Variants in GLT8D2 observed in about 807,000 individuals in gnomAD.
GLT8D2 encodes glycosyltransferase 8 domain containing 2.
In GLT8D2, 45 loss-of-function variants were observed where a neutral mutation model predicts 44.5. The observed-to-expected ratio is 1.01, with a 90% CI of 0.80 to 1.30. The LOEUF is 1.30. Among genes scored for constraint, GLT8D2 ranks in the 50% most tolerant of loss-of-function variants. The pLI, the probability that GLT8D2 is intolerant of heterozygous loss-of-function variation, is 0.00. For missense variants in GLT8D2, 400 were observed against 430.4 expected (o/e 0.93, Z 0.62); for synonymous variants, 156 against 157.2 (o/e 0.99, Z 0.06).
rs199706885 is a variant in GLT8D2, at chr12:103,990,231, TTAA to T, written c.881-657_881-655del. 4.8e-3 allele frequency among the ~76,000 whole-genome samples: 724 copies of T among 151,642 alleles called. 4 individuals are homozygous for T. Among genetic ancestry groups the T allele is most frequent in the African/African-American group, 0.016 (682 of 41,400 alleles). On this transcript the variant is annotated intron_variant, in intron 10 of 10. Transcript: ENST00000360814. ...CCGCATTGTCCCCCAAGAAGTTCTA[TTAA>T]TTTCCCTCCCACCCAAGAGTTTATA...
At chr12:104,012,189 A>AATATAT (rs71069712) in intron 4 of GLT8D2, among the ~76,000 whole-genome samples, 45 of 98,434 alleles carry the variant, frequency 4.6e-4, no homozygotes, top group Middle Eastern at 5.4e-3. Context: ...AAAAAAAAAA[A>AATATAT]ATATATATAT....
At chr12:104,001,381 G>A (rs1874197213) in intron 5 of GLT8D2, among the ~76,000 whole-genome samples, 1 of 152,198 alleles carries the variant, frequency 6.6e-6, no homozygotes, top group South Asian at 2.1e-4. Context: ...AATTTTTGTA[G>A]CACAGATTCC....
intron 1 of GLT8D2, among the ~76,000 whole-genome samples, chr12:104,038,374 A>G (rs894513651): frequency 6.6e-6 from 1 of 152,230 alleles, no homozygotes; most frequent in African/African-American, 2.4e-5. Flanking sequence ...TGCAGATGAC[A>G]TGATTGTGCA....
chr12:104,012,188 AAATAT>A (rs1333010780), intron 4 of GLT8D2, among the ~76,000 whole-genome samples: 6,597 of 87,482 alleles, frequency 0.075, 204 homozygotes, highest in African/African-American at 0.16. Context: ...AAAAAAAAAA[AAATAT>A]ATATATATAT....
intron 6 of GLT8D2, among the ~76,000 whole-genome samples, chr12:103,998,333 C>T (rs1873753740): frequency 6.6e-6 from 1 of 151,650 alleles, no homozygotes; most frequent in Non-Finnish European, 1.5e-5. Flanking sequence ...CTCCCAGACT[C>T]AAACAATCCT....
At chr12:104,005,001 T>C (rs10778308) in intron 4 of GLT8D2, among the ~76,000 whole-genome samples, 136,885 of 152,182 alleles carry the variant, frequency 0.9, 61,644 homozygotes, top group East Asian at 1. Flanking sequence ...GCTACAGTAA[T>C]CAAAATAGCA....
chr12:104,052,210 G>C, upstream of GLT8D2, among the ~76,000 whole-genome samples: 1 of 152,184 alleles, frequency 6.6e-6, no homozygotes, highest in Non-Finnish European at 1.5e-5. Flanking sequence ...CTACTATATT[G>C]AGCAGTTCCA....
At chr12:103,999,069 G>A (rs571023548) in intron 6 of GLT8D2, among the ~76,000 whole-genome samples, 2 of 152,110 alleles carry the variant, frequency 1.3e-5, no homozygotes, top group Non-Finnish European at 2.9e-5. Flanking sequence ...CCCAACAGCT[G>A]GTGGGTTTGG....
intron 1 of GLT8D2, among the ~76,000 whole-genome samples, chr12:104,045,937 A>AAAGAAAGAAAGAAAGAAAATAAG: frequency 8.8e-6 from 1 of 113,638 alleles, no homozygotes; most frequent in South Asian, 3.2e-4. Context: ...GAAAGAAAGA[A>AAAGAAAGAAAGAAAGAAAATAAG]AAAGAAAGAA....
chr12:104,028,654 TTAA>T (rs1878865356), intron 1 of GLT8D2, among the ~76,000 whole-genome samples: 1 of 152,138 alleles, frequency 6.6e-6, no homozygotes, highest in African/African-American at 2.4e-5. Flanking sequence ...AATCAACATG[TTAA>T]TAAGTAATTC....
chr12:104,056,317 C>T (rs545852502), intron 1 of GLT8D2, among the ~76,000 whole-genome samples: 1 of 152,190 alleles, frequency 6.6e-6, no homozygotes, highest in African/African-American at 2.4e-5. Flanking sequence ...TAGCACTCCC[C>T]AGAACCTCTT....
intron 3 of GLT8D2, among the ~76,000 whole-genome samples, chr12:104,017,971 T>A (rs906406783): frequency 2.6e-5 from 4 of 151,508 alleles, no homozygotes; most frequent in African/African-American, 7.3e-5. Flanking sequence ...TTATTTTATC[T>A]TTTTTTTTCT....
intron 1 of GLT8D2, among the ~76,000 whole-genome samples, chr12:104,046,702 G>A (rs1013905574): frequency 8.5e-5 from 13 of 152,144 alleles, no homozygotes; most frequent in African/African-American, 2.9e-4. Flanking sequence ...TTCACTAAAG[G>A]AAAGAGAAAG....
At chr12:104,028,331 G>T (rs967336584) in intron 1 of GLT8D2, among the ~76,000 whole-genome samples, 4 of 151,986 alleles carry the variant, frequency 2.6e-5, no homozygotes, top group African/African-American at 9.7e-5. Context: ...TAAAGATTTG[G>T]CATGCCTGAA....
chr12:104,014,249 G>C, intron 4 of GLT8D2: 1 of 698,496 alleles, frequency 1.4e-6, no homozygotes, highest in South Asian at 1.5e-5. Flanking sequence ...CAACTTCCTG[G>C]GGTGCTGAGG....
chr12:104,022,080 A>AGAAAGAAAG (rs1555279636), intron 1 of GLT8D2, among the ~76,000 whole-genome samples: 1 of 134,128 alleles, frequency 7.5e-6, no homozygotes, highest in African/African-American at 2.9e-5. Context: ...GAAAGAAAAA[A>AGAAAGAAAG]AAAGAAAGAA....
At chr12:104,033,831 T>C (rs1879629687) in intron 1 of GLT8D2, among the ~76,000 whole-genome samples, 1 of 151,494 alleles carries the variant, frequency 6.6e-6, no homozygotes, top group Non-Finnish European at 1.5e-5. Flanking sequence ...TATATGTATA[T>C]ATTTTTTTTC....
rs1874475898 is a variant in GLT8D2, at chr12:104,003,162, C to T, written c.257G>A (p.Gly86Glu). The change falls in exon 5 of 11, where the codon GGA becomes GAA. Residue 86 changes from glycine (G) to glutamate (E), a missense_variant. Gly to Glu is a moderately conservative substitution (Grantham distance 98, BLOSUM62 -2). Coordinates refer to ENST00000360814, the MANE Select transcript of GLT8D2 (RefSeq NM_001384711.1). ...TATTCGAGTCAGAGTATTCCGGAGT[C>T]CCACTACATAGAACAAGATGTTGGC... ...TDANILFYVV[G>E]LRNTLTRIRK... The T allele has an allele frequency of 6.2e-7, 1 of 1,614,074 alleles. No homozygotes were observed. The highest frequency in any genetic ancestry group is 8.5e-7 in the Non-Finnish European group (1 of 1,179,988).
intron 5 of GLT8D2, among the ~76,000 whole-genome samples, chr12:104,002,880 GGCTGCA>G: frequency 6.6e-6 from 1 of 152,254 alleles, no homozygotes; most frequent in African/African-American, 2.4e-5. Flanking sequence ...GGGAGGTCAA[GGCTGCA>G]GTGAGCTGTG....
Sources: allele counts gnomAD v4.1 joint callset (sites outside exome capture counted in the v4.1 genomes callset), GRCh38; gene constraint gnomAD v4.1.1; transcripts MANE v1.5; gene names NCBI Gene and HGNC (gene_info 2026-07-23, HGNC 2026-07-21).